VDR: variants seen among roughly 807,000 people sequenced by gnomAD.
The protein encoded by VDR is vitamin D3 receptor.
In VDR, 19 loss-of-function variants were observed where a neutral mutation model predicts 39.7. That is an observed-to-expected ratio of 0.48 (90% CI 0.33 to 0.70). The LOEUF (loss-of-function observed/expected upper bound fraction) is 0.70. Among genes scored for constraint, VDR ranks in the 30% least tolerant of loss-of-function variants. VDR has a pLI of 0.02. For synonymous variants in VDR, 242 were observed against 215.8 expected, an observed-to-expected ratio of 1.12 and a Z score of -1.07; for missense variants, 442 against 570.5, an observed-to-expected ratio of 0.77 and a Z score of 2.29.
chr12:47,862,898 A>G (rs1945653505), intron 4 of VDR, among the ~76,000 whole-genome samples: 1 of 152,168 alleles, frequency 6.6e-6, no homozygotes, highest in Non-Finnish European at 1.5e-5. Flanking sequence ...GGACGTTTCT[A>G]TTTTAACTGG....
At chr12:47,893,651 C>T in intron 1 of VDR, among the ~76,000 whole-genome samples, 1 of 152,186 alleles carries the variant, frequency 6.6e-6, no homozygotes, top group Non-Finnish European at 1.5e-5. Context: ...TTGCCCACAG[C>T]CGCAGGATCC....
chr12:47,844,552 A>C lies in VDR; in HGVS notation c.*194T>G, dbSNP rs1021309196. 17 of 725,400 alleles carry C rather than the reference A, an allele frequency of 2.3e-5. No homozygotes were observed. The highest frequency in any genetic ancestry group is 2.3e-4 in the African/African-American group (13 of 56,340). The allele number at this position is 725,400 out of a possible 1,614,324, so 44.9% of individuals were successfully genotyped here. Reference sequence around the variant, plus strand: ...CTCCTCATGGCTGAGGTCTCAAGGGACCGGGGAAAAGCCCGCAGGAAAGGG... The same window carrying C: ...CTCCTCATGGCTGAGGTCTCAAGGGCCCGGGGAAAAGCCCGCAGGAAAGGG... On this transcript the variant is annotated 3_prime_UTR_variant, in exon 10 of 10. Transcript: ENST00000549336.
intron 7 of VDR, among the ~76,000 whole-genome samples, chr12:47,852,964 A>G (rs1225140733): frequency 6.6e-6 from 1 of 152,206 alleles, no homozygotes; most frequent in Non-Finnish European, 1.5e-5. Flanking sequence ...TGCCGTAAAT[A>G]CAGCTATTGC....
intron 7 of VDR, among the ~76,000 whole-genome samples, chr12:47,854,566 A>C (rs1246514951): frequency 6.6e-6 from 1 of 152,214 alleles, no homozygotes; most frequent in Non-Finnish European, 1.5e-5. Flanking sequence ...TTCTGCTCTC[A>C]GAGTTGGGGT....
At chr12:47,903,946 A>G (rs761569773) in intron 1 of VDR, among the ~76,000 whole-genome samples, 1 of 152,144 alleles carries the variant, frequency 6.6e-6, no homozygotes, top group Non-Finnish European at 1.5e-5. Flanking sequence ...TCCAGCAGGG[A>G]GCTGGAGCAG....
rs11574094 is a variant in VDR at position 47,855,202 on chromosome 12, C to T, written c.755+428G>A. On this transcript the variant is annotated intron_variant, in intron 7 of 9. Transcript: ENST00000549336. ...AATTAGCCGGGCTTGGTGGCCCACA[C>T]CTGTAATCCCAGCTACTTAGGAGGC... 6.3e-4 allele frequency among the ~76,000 whole-genome samples: 96 copies of T among 152,310 alleles called. 1 individual carries two copies. Among genetic ancestry groups the T allele is most frequent in the Admixed American group, 5.1e-3 (78 of 15,302 alleles).
Position 47,892,230 on chromosome 12 carries a change from A to T in VDR, c.-83-9456T>A, listed in dbSNP as rs1243854726. On this transcript the variant is annotated intron_variant, in intron 1 of 9. Coordinates refer to ENST00000549336, the MANE Select transcript of VDR (RefSeq NM_000376.3). The stretch of plus-strand genomic sequence containing the variant: ...CTCTCCACCAGGCAGCTCCGGTCCC[A>T]TGCACGGCTGATTTGCCCAAACGTA... 2.0e-5 allele frequency among the ~76,000 whole-genome samples: 3 copies of T among 152,242 alleles called. No homozygotes were observed. The East Asian group carries it at 5.8e-4, about 29-fold the overall frequency.
At position 47,902,685 on chromosome 12, in the gene VDR, C is replaced by T. The variant is rs1946588901; in HGVS notation, c.-84+2270G>A. ...GTCTCTGGCTCTCTGGCCCCTAGGACCTGACTGCTGCACAGGCAACAGCGA... is the reference window on the plus strand; with the variant it reads ...GTCTCTGGCTCTCTGGCCCCTAGGATCTGACTGCTGCACAGGCAACAGCGA... On this transcript the variant is annotated intron_variant, in intron 1 of 9. Transcript: ENST00000549336. Among the ~76,000 whole-genome samples the T allele has an allele frequency of 2.0e-5, 3 of 152,216 alleles. No individual in the cohort carries two copies. In the South Asian group the frequency reaches 6.2e-4, roughly 32 times the overall value.
chr12:47,865,230 C>T, intron 3 of VDR, 53 bp from the exon 4 acceptor site: 1 of 1,600,602 alleles, frequency 6.2e-7, no homozygotes, highest in South Asian at 1.1e-5. Context: ...CGGCTCCTCA[C>T]CCTGTCATCA....
chr12:47,869,116 C>T (rs1419093887), intron 3 of VDR, among the ~76,000 whole-genome samples: 3 of 152,242 alleles, frequency 2.0e-5, no homozygotes, highest in East Asian at 1.9e-4. Flanking sequence ...TCCACTGCTT[C>T]GCCATCTTTC....
intron 1 of VDR, among the ~76,000 whole-genome samples, chr12:47,883,745 C>A (rs955884796): frequency 1.3e-5 from 2 of 152,216 alleles, no homozygotes; most frequent in Non-Finnish European, 2.9e-5. Context: ...CAGCTTTTGT[C>A]TTTCTTTGGA....
At chr12:47,852,227 G>A (rs1945401583) in intron 7 of VDR, among the ~76,000 whole-genome samples, 1 of 152,230 alleles carries the variant, frequency 6.6e-6, no homozygotes, top group Non-Finnish European at 1.5e-5. Context: ...GGCCGTGGGG[G>A]CCCTCTGTCC....
intron 3 of VDR, among the ~76,000 whole-genome samples, chr12:47,878,084 G>C (rs370066628): frequency 1.3e-5 from 2 of 152,156 alleles, no homozygotes; most frequent in African/African-American, 4.8e-5. Context: ...CAACCAAGCC[G>C]ACCTCAGCAT....
At chr12:47,891,866 C>T (rs1337590712) in intron 1 of VDR, among the ~76,000 whole-genome samples, 4 of 152,218 alleles carry the variant, frequency 2.6e-5, no homozygotes, top group Admixed American at 6.5e-5. Flanking sequence ...CGATGCCCCG[C>T]TGTCTGTTAC....
Position 47,844,268 on chromosome 12 carries a change from GGGGT to G in VDR, c.*474_*477del, listed in dbSNP as rs1945228417. 1 of 233,060 alleles carries G rather than the reference GGGGT, an allele frequency of 4.3e-6. No individual in the cohort carries two copies. The highest frequency in any genetic ancestry group is 8.6e-6 in the Non-Finnish European group (1 of 116,880). 14.4% of individuals were successfully genotyped at this position (233,060 alleles called of 1,614,324 possible). On this transcript the variant is annotated 3_prime_UTR_variant, in exon 10 of 10. Transcript: ENST00000549336. ...GATGTTGGTGGGCACTGAAGGGGGT[GGGGT>G]GGGAGCTGTGGGCCGATTATTTATC...
intron 1 of VDR, chr12:47,896,641 C>T (rs1251004627): frequency 6.6e-6 from 1 of 152,160 alleles, no homozygotes; most frequent in Non-Finnish European, 1.5e-5. Context: ...CTAAAAGACA[C>T]CCAACCTCGA....
rs1390717042 is a variant in VDR, at chr12:47,856,636, A to AG, written c.583+492_583+493insC. Among the ~76,000 whole-genome samples the AG allele has an allele frequency of 1.0e-3, 158 of 151,516 alleles. 1 individual carries two copies. The highest frequency in any genetic ancestry group is 1.8e-3 in the Non-Finnish European group (122 of 67,880). ...TGTGTTTTTTTTAAAAAAAAAAAAA[A>AG]AAAGAAAGGAAGGAAAGCATGATGC... On this transcript the variant is annotated intron_variant, in intron 6 of 9. Transcript: ENST00000549336.
intron 3 of VDR, among the ~76,000 whole-genome samples, chr12:47,872,894 C>T (rs1320613643): frequency 6.6e-6 from 1 of 152,208 alleles, no homozygotes; most frequent in African/African-American, 2.4e-5. Context: ...CTCCAATGCT[C>T]TCGACAACCT....
intron 3 of VDR, among the ~76,000 whole-genome samples, chr12:47,867,020 A>G (rs1249296091): frequency 6.6e-6 from 1 of 150,500 alleles, no homozygotes; most frequent in Non-Finnish European, 1.5e-5. Context: ...AACAAAACAA[A>G]AAAAACCCAG....
Sources: allele counts gnomAD v4.1 joint callset (sites outside exome capture counted in the v4.1 genomes callset), GRCh38; gene constraint gnomAD v4.1.1; transcripts MANE v1.5; gene names NCBI Gene and HGNC (gene_info 2026-07-23, HGNC 2026-07-21).